Variants in EPHX4 observed in about 807,000 individuals in gnomAD.
EPHX4 encodes the protein epoxide hydrolase 4, also known as abhydrolase domain containing 7.
A neutral mutation model predicts 44.9 loss-of-function variants in EPHX4; 31 were observed. The observed-to-expected ratio is 0.69, with a 90% CI of 0.52 to 0.93. The LOEUF (loss-of-function observed/expected upper bound fraction) is 0.93, where lower values mean the gene tolerates loss of function less well. Ranked by LOEUF, EPHX4 falls within the 40% of genes least tolerant of loss-of-function variation. The probability of loss-of-function intolerance (pLI) is 0.00; values close to 1 mark genes in which losing one functional copy is unlikely to be tolerated. For synonymous variants in EPHX4, 151 were observed against 159.7 expected (o/e 0.95, Z 0.41); for missense variants, 373 against 438.1 (o/e 0.85, Z 1.33).
At chr1:92,044,485 G>A (rs145393481) in intron 3 of EPHX4, among the ~76,000 whole-genome samples, 1 of 152,286 alleles carries the variant, frequency 6.6e-6, no homozygotes, top group African/African-American at 2.4e-5. Context: ...GCAATTTTAA[G>A]TACTCCAGGA....
At chr1:92,058,443 G>GA (rs576728125) in intron 6 of EPHX4, among the ~76,000 whole-genome samples, 6,428 of 101,534 alleles carry the variant, frequency 0.063, 154 homozygotes, top group African/African-American at 0.1. Context: ...CCCCGTCTCA[G>GA]AAAAAAAAAA....
rs1688376563 is a variant in EPHX4 at position 92,032,512 on chromosome 1, GGT to G, written c.240_241del (p.Leu81LysfsTer36). On this transcript the variant is annotated frameshift_variant, in exon 2 of 7. Transcript: ENST00000370383. LOFTEE classifies it high-confidence loss of function. ...CATGCCCTCTACTTTCAGGATTCAGGGTTAAGATTTCACTATGTTGCTGCTGG... is the reference window on the plus strand; with the variant it reads ...CATGCCCTCTACTTTCAGGATTCAGGTAAGATTTCACTATGTTGCTGCTGG... 1.2e-6 allele frequency: 2 copies of G among 1,613,368 alleles called. No homozygotes were observed.
chr1:92,034,924 G>C (rs545128098), intron 2 of EPHX4, among the ~76,000 whole-genome samples: 1 of 152,302 alleles, frequency 6.6e-6, no homozygotes, highest in East Asian at 1.9e-4. Context: ...GATTACAGGT[G>C]TGAGCCACTG....
intron 5 of EPHX4, among the ~76,000 whole-genome samples, chr1:92,052,029 CAGTT>C (rs537077172): frequency 3.9e-5 from 6 of 152,080 alleles, no homozygotes; most frequent in Non-Finnish European, 5.9e-5. Context: ...ATATATCAGT[CAGTT>C]AGAGACATTA....
chr1:92,035,433 G>A (rs1427877618), intron 2 of EPHX4, among the ~76,000 whole-genome samples: 2 of 152,184 alleles, frequency 1.3e-5, no homozygotes, highest in Non-Finnish European at 2.9e-5. Context: ...TGAGGATGAA[G>A]AGAGTCAAAA....
At chr1:92,043,034 T>C in intron 3 of EPHX4, 54 bp downstream of exon 3, 5 of 1,389,938 alleles carry the variant, frequency 3.6e-6, no homozygotes, top group Non-Finnish European at 4.9e-6. Context: ...ATTCAACAAA[T>C]TGTGAATCAA....
At chr1:92,051,111 G>A (rs964088110) in intron 5 of EPHX4, among the ~76,000 whole-genome samples, 1 of 152,224 alleles carries the variant, frequency 6.6e-6, no homozygotes, top group Non-Finnish European at 1.5e-5. Flanking sequence ...GGGATTACAG[G>A]CATAAGCCAC....
chr1:92,029,996 G>C lies in EPHX4; in HGVS notation c.-84G>C. 1.0e-6 allele frequency: 1 copy of C among 975,834 alleles called. No homozygotes were observed. Among genetic ancestry groups the C allele is most frequent in the Non-Finnish European group, 1.3e-6 (1 of 751,252 alleles). The allele number at this position is 975,834 out of a possible 1,614,324, so 60.4% of individuals were successfully genotyped here. ...GGGCCGGGGGAGGCGCGCGTCGAGAGGCGACGGCGGGCTGGCCTGGCGCGC... is the reference window on the plus strand; with the variant it reads ...GGGCCGGGGGAGGCGCGCGTCGAGACGCGACGGCGGGCTGGCCTGGCGCGC... On this transcript the variant is annotated 5_prime_UTR_variant, in exon 1 of 7. Coordinates refer to ENST00000370383, the MANE Select transcript of EPHX4 (RefSeq NM_173567.5).
chr1:92,048,406 C>G (rs777913710), intron 4 of EPHX4, among the ~76,000 whole-genome samples: 10 of 152,156 alleles, frequency 6.6e-5, no homozygotes, highest in Non-Finnish European at 1.0e-4. Context: ...CAAGAAAATA[C>G]TTGGAATATT....
intron 6 of EPHX4, among the ~76,000 whole-genome samples, chr1:92,058,055 G>T (rs1471162601): frequency 1.3e-5 from 2 of 152,170 alleles, no homozygotes; most frequent in African/African-American, 4.8e-5. Context: ...GTCAATTTAA[G>T]TTATAAACAT....
chr1:92,062,988 G>A (rs1257652487), intron 6 of EPHX4, 67 bp from the exon 7 acceptor site: 3 of 1,348,694 alleles, frequency 2.2e-6, no homozygotes, highest in East Asian at 2.3e-5. Context: ...ACCTACTGGG[G>A]CACTATAGGA....
At chr1:92,038,121 A>G (rs141717099) in intron 2 of EPHX4, among the ~76,000 whole-genome samples, 2 of 152,216 alleles carry the variant, frequency 1.3e-5, no homozygotes, top group African/African-American at 4.8e-5. Flanking sequence ...CTCATTGTTA[A>G]AAGCAGTAGC....
At chr1:92,030,458 G>GTGTGTT (rs1688341834) in intron 1 of EPHX4, 148 bp downstream of exon 1, 1 of 283,002 alleles carries the variant, frequency 3.5e-6, no homozygotes, top group Admixed American at 1.1e-4. Flanking sequence ...CCTGTGTGTC[G>GTGTGTT]TGTGTGTGTG....
chr1:92,047,466 G>A (rs940808049), intron 4 of EPHX4, among the ~76,000 whole-genome samples: 19 of 151,650 alleles, frequency 1.3e-4, no homozygotes, highest in East Asian at 1.9e-4. Context: ...CTTTTCCTTG[G>A]GACAATCATT....
At chr1:92,053,325 G>T (rs1044015541) in intron 6 of EPHX4, among the ~76,000 whole-genome samples, 1 of 152,106 alleles carries the variant, frequency 6.6e-6, no homozygotes, top group Non-Finnish European at 1.5e-5. Context: ...CAGAATTAGG[G>T]CTTCTTGGCT....
At chr1:92,030,485 T>TGTGTGTGTGTGTGTGTGTGTGTGAGTGA (rs1326928763) in intron 1 of EPHX4, among the ~76,000 whole-genome samples, 175 bp downstream of exon 1, 2 of 138,650 alleles carry the variant, frequency 1.4e-5, no homozygotes, top group African/African-American at 5.5e-5. Flanking sequence ...TGTGTGTGTG[T>TGTGTGTGTGTGTGTGTGTGTGTGAGTGA]GAGAGAGAGA....
At chr1:92,032,729 TG>T in intron 2 of EPHX4, 139 bp downstream of exon 2, 2 of 748,006 alleles carry the variant, frequency 2.7e-6, no homozygotes, top group African/African-American at 1.8e-5. Flanking sequence ...TTCTGGAGGC[TG>T]GGAAGTTCAG....
intron 2 of EPHX4, among the ~76,000 whole-genome samples, chr1:92,034,538 G>A (rs1051263110): frequency 6.6e-6 from 1 of 151,636 alleles, no homozygotes; most frequent in African/African-American, 2.4e-5. Flanking sequence ...TAGAATTCCA[G>A]CATTACAGAT....
chr1:92,032,223 A>G (rs1265351696), intron 1 of EPHX4, among the ~76,000 whole-genome samples: 1 of 152,222 alleles, frequency 6.6e-6, no homozygotes, highest in Non-Finnish European at 1.5e-5. Context: ...CTGTACTAGA[A>G]CAAGAAGAGA....
Sources: gnomAD v4.1 joint callset for allele counts (sites outside exome capture counted in the v4.1 genomes callset) on GRCh38, gnomAD v4.1.1 for gene constraint, MANE v1.5 for transcripts, NCBI Gene and HGNC (gene_info 2026-07-23, HGNC 2026-07-21) for gene names.